TEX9: variants seen among roughly 807,000 people sequenced by gnomAD.
TEX9 encodes the protein testis expressed 9, also known as testis-expressed protein 9.
In TEX9, 74 loss-of-function variants were observed where a neutral mutation model predicts 59.6. The observed-to-expected ratio is 1.24, with a 90% CI of 1.03 to 1.51. The LOEUF (loss-of-function observed/expected upper bound fraction) is 1.51. TEX9 is among the 40% of genes most tolerant of loss of function. The pLI is 0.00. For synonymous variants in TEX9, 186 were observed against 152.2 expected, an observed-to-expected ratio of 1.22 and a Z score of -1.64; for missense variants, 522 against 447.8, an observed-to-expected ratio of 1.17 and a Z score of -1.49.
intron 7 of TEX9, among the ~76,000 whole-genome samples, chr15:56,391,709 T>C (rs1412173978): frequency 6.6e-6 from 1 of 152,106 alleles, no homozygotes; most frequent in Non-Finnish European, 1.5e-5. Flanking sequence ...TAAAAAAGAC[T>C]ATATTGTACT....
chr15:56,282,316 C>G (rs542209460), intron 1 of TEX9, among the ~76,000 whole-genome samples: 4 of 152,250 alleles, frequency 2.6e-5, no homozygotes, highest in African/African-American at 9.6e-5. Flanking sequence ...CTAATATATT[C>G]TCTGCAAGAA....
intron 1 of TEX9, among the ~76,000 whole-genome samples, chr15:56,277,324 T>G (rs1430394674): frequency 6.6e-6 from 1 of 152,226 alleles, no homozygotes; most frequent in Non-Finnish European, 1.5e-5. Flanking sequence ...GTTTAAGCCT[T>G]TAATCCATCT....
chr15:56,447,117 AG>A (rs1391576478), downstream of TEX9: 4 of 534,320 alleles, frequency 7.5e-6, no homozygotes, highest in Non-Finnish European at 1.3e-5. Context: ...TTAGGGCATT[AG>A]GGCTTACATT....
chr15:56,258,770 G>T (rs960674525), intron 1 of TEX9, among the ~76,000 whole-genome samples: 2 of 151,596 alleles, frequency 1.3e-5, no homozygotes, highest in Middle Eastern at 3.4e-3. Flanking sequence ...CATATTGATA[G>T]TCTCTTTTGT....
downstream of TEX9, chr15:56,445,922 A>G (rs1331537846): frequency 1.3e-5 from 2 of 152,080 alleles, no homozygotes; most frequent in African/African-American, 4.8e-5. Flanking sequence ...GGACAGCGCT[A>G]TATGGCTTAG....
intron 10 of TEX9, among the ~76,000 whole-genome samples, chr15:56,421,172 A>G (rs779069933): frequency 5.3e-5 from 8 of 151,876 alleles, no homozygotes; most frequent in Middle Eastern, 3.4e-3. Flanking sequence ...GAGTTTGTCT[A>G]TTTTCCCTTT....
chr15:56,395,630 C>A (rs951698290), intron 9 of TEX9: 1 of 152,170 alleles, frequency 6.6e-6, no homozygotes, highest in Non-Finnish European at 1.5e-5. Flanking sequence ...TCCTCACCAA[C>A]ATCTGCTAGA....
At chr15:56,349,751 G>GTA (rs1222736838) in intron 1 of TEX9, among the ~76,000 whole-genome samples, 7 of 151,702 alleles carry the variant, frequency 4.6e-5, no homozygotes, top group African/African-American at 7.3e-5. Flanking sequence ...ATATGTGTGT[G>GTA]TATATATATA....
At chr15:56,351,097 G>C (rs781048710) in intron 1 of TEX9, among the ~76,000 whole-genome samples, 1 of 152,172 alleles carries the variant, frequency 6.6e-6, no homozygotes, top group Non-Finnish European at 1.5e-5. Flanking sequence ...TTGAGGAAAA[G>C]ATGATGATTT....
chr15:56,388,431 T>A, intron 4 of TEX9, 41 bp from the exon 5 acceptor site: 1 of 1,456,626 alleles, frequency 6.9e-7, no homozygotes, highest in Non-Finnish European at 9.6e-7. Flanking sequence ...CAGCTCAGTG[T>A]CATCTATTAT....
At chr15:56,311,246 A>C (rs1596079910) in intron 1 of TEX9, among the ~76,000 whole-genome samples, 20 of 120,934 alleles carry the variant, frequency 1.7e-4, no homozygotes, top group Admixed American at 1.6e-4. Flanking sequence ...GCACCCACTA[A>C]CTCGTCATCT....
chr15:56,433,502 T>G (rs1325945912), intron 12 of TEX9, among the ~76,000 whole-genome samples: 1 of 152,134 alleles, frequency 6.6e-6, no homozygotes. Flanking sequence ...ACCCTAGATC[T>G]CACTGGTCAC....
At chr15:56,421,189 TAAC>T (rs1567138305) in intron 10 of TEX9, among the ~76,000 whole-genome samples, 1 of 151,950 alleles carries the variant, frequency 6.6e-6, no homozygotes, top group African/African-American at 2.4e-5. Flanking sequence ...CTTTCAGTCT[TAAC>T]AATTTTTGCA....
chr15:56,364,105 A>G (rs1431409020), upstream of TEX9, among the ~76,000 whole-genome samples: 1 of 152,040 alleles, frequency 6.6e-6, no homozygotes, highest in Non-Finnish European at 1.5e-5. Flanking sequence ...TTTTGAAACT[A>G]AAGGTTTTTA....
chr15:56,357,686 C>T (rs2046709575), intron 1 of TEX9, among the ~76,000 whole-genome samples: 1 of 152,094 alleles, frequency 6.6e-6, no homozygotes, highest in Non-Finnish European at 1.5e-5. Context: ...TGCCATTCGA[C>T]CTGTCCATTG....
intron 11 of TEX9, 127 bp downstream of exon 11, chr15:56,427,866 A>G: frequency 1.5e-6 from 1 of 678,936 alleles, no homozygotes; most frequent in Non-Finnish European, 2.3e-6. Context: ...AATGCATCAT[A>G]CATATGAAAT....
chr15:56,317,913 T>C (rs907433550), intron 1 of TEX9, among the ~76,000 whole-genome samples: 3 of 152,200 alleles, frequency 2.0e-5, no homozygotes, highest in African/African-American at 7.2e-5. Context: ...ATATGATCTT[T>C]TCTGGAAAAT....
chr15:56,304,660 T>C (rs2045436583), intron 1 of TEX9, among the ~76,000 whole-genome samples: 1 of 152,218 alleles, frequency 6.6e-6, no homozygotes, highest in African/African-American at 2.4e-5. Context: ...TTTAGTTTGC[T>C]AGTATATTGT....
intron 1 of TEX9, among the ~76,000 whole-genome samples, chr15:56,256,963 A>C (rs556542873): frequency 6.6e-6 from 1 of 151,650 alleles, no homozygotes; most frequent in South Asian, 2.1e-4. Flanking sequence ...CATAGGCCCC[A>C]GTGTGTTCTA....
Sources: gnomAD v4.1 joint callset for allele counts (sites outside exome capture counted in the v4.1 genomes callset) on GRCh38, gnomAD v4.1.1 for gene constraint, MANE v1.5 for transcripts, NCBI Gene and HGNC (gene_info 2026-07-23, HGNC 2026-07-21) for gene names.